CALHM5: variants seen among roughly 807,000 people sequenced by gnomAD.
CALHM5 encodes calcium homeostasis modulator family member 5.
CALHM5 carries 17 observed loss-of-function variants against 20.9 expected under a neutral mutation model. The observed-to-expected ratio is 0.82, with a 90% CI of 0.56 to 1.22. The LOEUF (loss-of-function observed/expected upper bound fraction) is 1.22, where lower values mean the gene tolerates loss of function less well. Among genes scored for constraint, CALHM5 ranks in the 50% most tolerant of loss-of-function variants. The pLI is 0.00. For missense variants in CALHM5, 360 were observed against 364.6 expected (o/e 0.99, Z 0.10); for synonymous variants, 148 against 140.0 (o/e 1.06, Z -0.40).
chr6:116,511,996 C>G lies in CALHM5; in HGVS notation c.300C>G (p.Leu100=). 1 of 1,614,048 alleles carries G rather than the reference C, an allele frequency of 6.2e-7. No homozygotes were observed. Among genetic ancestry groups the G allele is most frequent in the Non-Finnish European group, 8.5e-7 (1 of 1,179,998 alleles). Residue 100 remains leucine, a synonymous_variant, in exon 1 of 2, where the codon CTC becomes CTG. Coordinates refer to ENST00000368599, the MANE Select transcript of CALHM5 (RefSeq NM_153711.5). ...ACAGCTGCCGTTTCTTCTACGTCCT[C>G]GGCCAGATCACTCTGAGCTCATTGG... The part of the protein sequence containing the change: ...RGHSCRFFYV[L]GQITLSSLVA...
rs1307981502 is a variant in CALHM5 at position 116,520,507 on chromosome 6, G to A, written c.*4518G>A. 1 of 152,134 alleles carries A rather than the reference G, an allele frequency of 6.6e-6. No homozygotes were observed. 9.4% of individuals were successfully genotyped at this position (152,134 alleles called of 1,614,324 possible). On this transcript the variant is annotated 3_prime_UTR_variant, in exon 2 of 2. Coordinates refer to ENST00000368599, the MANE Select transcript of CALHM5 (RefSeq NM_153711.5). ...AAGAGGTTGGCATGAGAGGTTGGAT[G>A]GAAAGCATCTATCTGTGTTTGTCAG...
chr6:116,515,556 GGCTTT>G, intron 1 of CALHM5, 39 bp from the exon 2 acceptor site: 1 of 1,546,308 alleles, frequency 6.5e-7, no homozygotes, highest in Non-Finnish European at 8.7e-7. Flanking sequence ...CTCCCTAAAT[GGCTTT>G]GCTTTCACGT....
At chr6:116,515,482 T>A in intron 1 of CALHM5, 118 bp from the exon 2 acceptor site, 1 of 1,069,040 alleles carries the variant, frequency 9.4e-7, no homozygotes, top group Non-Finnish European at 1.3e-6. Context: ...ATGAATGATT[T>A]CAAATGAGGT....
At chr6:116,513,970 T>C (rs760734634) in intron 1 of CALHM5, among the ~76,000 whole-genome samples, 2 of 152,200 alleles carry the variant, frequency 1.3e-5, no homozygotes, top group Admixed American at 6.6e-5. Flanking sequence ...TAATATCACT[T>C]ACTTTGGAGA....
chr6:116,512,677 G>T (rs1367142231), intron 1 of CALHM5, among the ~76,000 whole-genome samples: 1 of 152,188 alleles, frequency 6.6e-6, no homozygotes, highest in Non-Finnish European at 1.5e-5. Context: ...TGAATGAAAT[G>T]AGTTATTACT....
intron 1 of CALHM5, 140 bp from the exon 2 acceptor site, chr6:116,515,460 T>C: frequency 1.0e-6 from 1 of 981,962 alleles, no homozygotes; most frequent in Non-Finnish European, 1.5e-6. Flanking sequence ...TTTAAAGTGT[T>C]TAAAAATTAA....
chr6:116,521,167 A>G lies in CALHM5; in HGVS notation c.*5178A>G, dbSNP rs1772331747. ...GATTTCTTGTGGGAATATATATTAT[A>G]TATAACAAAACATGACAAATATATA... On this transcript the variant is annotated 3_prime_UTR_variant, in exon 2 of 2. Coordinates refer to ENST00000368599, the MANE Select transcript of CALHM5 (RefSeq NM_153711.5). The G allele has an allele frequency of 6.6e-6, 1 of 152,126 alleles. No individual in the cohort carries two copies. Among genetic ancestry groups the G allele is most frequent in the Non-Finnish European group, 1.5e-5 (1 of 68,018 alleles). 9.4% of individuals were successfully genotyped at this position (152,126 alleles called of 1,614,324 possible). A position where few individuals can be genotyped will look rare whatever the true frequency, so the allele number is the denominator to read the frequency against.
rs1003699952 is a variant in CALHM5, at chr6:116,523,119, C to G, written c.*7130C>G. ...GGACTACATCTTGAAAATAACTGCT[C>G]TACAGCACAGAGCAGGCTATTCTGG... On this transcript the variant is annotated 3_prime_UTR_variant, in exon 2 of 2. Transcript: ENST00000368599. The G allele has an allele frequency of 1.3e-5, 2 of 151,716 alleles. No individual in the cohort carries two copies. The highest frequency in any genetic ancestry group is 4.8e-5 in the African/African-American group (2 of 41,282). The allele number at this position is 151,716 out of a possible 1,614,324, so 9.4% of individuals were successfully genotyped here. A position where few individuals can be genotyped will look rare whatever the true frequency, so the allele number is the denominator to read the frequency against.
chr6:116,515,615 CTGATT>C lies in CALHM5; in HGVS notation c.559_563del (p.Ile187PhefsTer18). 3.7e-6 allele frequency: 6 copies of C among 1,610,452 alleles called. No homozygotes were observed. The highest frequency in any genetic ancestry group is 5.1e-6 in the Non-Finnish European group (6 of 1,178,354). On this transcript the variant is annotated frameshift_variant, in exon 2 of 2. Coordinates refer to ENST00000368599, the MANE Select transcript of CALHM5 (RefSeq NM_153711.5). LOFTEE classifies it high-confidence loss of function. ...TCTTCTTAAGATTCTAGGATGGTGC[CTGATT>C]TGTTCAGCGTCTTTCTTCTCTCTGC...
rs1772323529 is a variant in CALHM5 at position 116,520,932 on chromosome 6, T to A, written c.*4943T>A. 6.6e-6 allele frequency: 1 copy of A among 152,092 alleles called. No individual in the cohort carries two copies. Among genetic ancestry groups the A allele is most frequent in the Non-Finnish European group, 1.5e-5 (1 of 68,030 alleles). The allele number at this position is 152,092 out of a possible 1,614,324, so 9.4% of individuals were successfully genotyped here. On this transcript the variant is annotated 3_prime_UTR_variant, in exon 2 of 2. Coordinates refer to ENST00000368599, the MANE Select transcript of CALHM5 (RefSeq NM_153711.5). ...AGTGAGCATTTTTTTTTTTATGAAT[T>A]TAAATTGGTTCTAGCTAAGCAATTT...
rs1332958443 is a variant in CALHM5, at chr6:116,521,469, C to A, written c.*5480C>A. The A allele has an allele frequency of 6.6e-6, 1 of 151,526 alleles. No individual in the cohort carries two copies. Among genetic ancestry groups the A allele is most frequent in the Non-Finnish European group, 1.5e-5 (1 of 67,936 alleles). The allele number at this position is 151,526 out of a possible 1,614,324, so 9.4% of individuals were successfully genotyped here. On this transcript the variant is annotated 3_prime_UTR_variant, in exon 2 of 2. Transcript: ENST00000368599. Reference sequence around the variant, plus strand: ...TAAGGAGAATATTGGTGACCCAACTCCAGGAGACAGAGAAAAGATTGGTGA... The same window carrying A: ...TAAGGAGAATATTGGTGACCCAACTACAGGAGACAGAGAAAAGATTGGTGA...
chr6:116,515,226 T>C (rs1772199675), intron 1 of CALHM5, among the ~76,000 whole-genome samples: 1 of 152,194 alleles, frequency 6.6e-6, no homozygotes, highest in Non-Finnish European at 1.5e-5. Context: ...GAGCTGGTCA[T>C]TTACTCAAAT....
chr6:116,512,191 T>A lies in CALHM5; in HGVS notation c.495T>A (p.Pro165=), dbSNP rs761308002. 14 of 1,608,500 alleles carry A rather than the reference T, an allele frequency of 8.7e-6. No individual in the cohort carries two copies. Among genetic ancestry groups the A allele is most frequent in the Non-Finnish European group, 8.5e-6 (10 of 1,179,780 alleles). ...KVSCGKTSML[P]TVNEELKLSL... ...CTTGTGGCAAAACTAGCATGCTACC[T>A]ACCGTCAATGAAGAACTGAAACTCT... is the stretch of plus-strand genomic sequence containing the variant. The change falls in exon 1 of 2, where the codon CCT becomes CCA. Residue 165 remains proline (P), a synonymous_variant. Coordinates refer to ENST00000368599, the MANE Select transcript of CALHM5 (RefSeq NM_153711.5).
In CALHM5 at chr6:116,511,661, CAA is replaced by C; in HGVS notation, c.-34_-33del. 1 of 1,589,940 alleles carries C rather than the reference CAA, an allele frequency of 6.3e-7. No individual in the cohort carries two copies. The highest frequency in any genetic ancestry group is 2.2e-5 in the East Asian group (1 of 44,710). The stretch of plus-strand genomic sequence containing the variant: ...ACTGCCACAGCTGCTCTGCCAATAA[CAA>C]AGGCACAGCATTTTCCCTCTGTGCA... On this transcript the variant is annotated 5_prime_UTR_variant, in exon 1 of 2. Coordinates refer to ENST00000368599, the MANE Select transcript of CALHM5 (RefSeq NM_153711.5).
Position 116,516,050 on chromosome 6 carries a change from C to A in CALHM5, c.*61C>A. ...CATGCTCATTCTGTGATCCTCCTAA[C>A]GTATCACCAGCAACCTGTGTGTCTC... is the stretch of plus-strand genomic sequence containing the variant. On this transcript the variant is annotated 3_prime_UTR_variant, in exon 2 of 2. Coordinates refer to ENST00000368599, the MANE Select transcript of CALHM5 (RefSeq NM_153711.5). The A allele has an allele frequency of 6.7e-7, 1 of 1,502,948 alleles. No homozygotes were observed. The allele number at this position is 1,502,948 out of a possible 1,614,324, so 93.1% of individuals were successfully genotyped here.
Position 116,511,810 on chromosome 6 carries a change from T to C in CALHM5, c.114T>C (p.Ala38=). ...VGSERLFSVV[A]FKCPCSTENM... ...GTGAGCGTCTCTTTTCTGTTGTGGC[T>C]TTTAAGTGCCCCTGCAGCACTGAGA... The change falls in exon 1 of 2, where the codon GCT becomes GCC. Residue 38 remains alanine, a synonymous_variant. Transcript: ENST00000368599. 1 of 1,614,074 alleles carries C rather than the reference T, an allele frequency of 6.2e-7. No individual in the cohort carries two copies. Among genetic ancestry groups the C allele is most frequent in the Non-Finnish European group, 8.5e-7 (1 of 1,179,994 alleles).
Position 116,517,436 on chromosome 6 carries a change from G to C in CALHM5, c.*1447G>C, listed in dbSNP as rs1434227405. 6.6e-6 allele frequency: 1 copy of C among 152,084 alleles called. No homozygotes were observed. 9.4% of individuals were successfully genotyped at this position (152,084 alleles called of 1,614,324 possible). A position where few individuals can be genotyped will look rare whatever the true frequency, so the allele number is the denominator to read the frequency against. On this transcript the variant is annotated 3_prime_UTR_variant, in exon 2 of 2. Coordinates refer to ENST00000368599, the MANE Select transcript of CALHM5 (RefSeq NM_153711.5). ...GTACATAAATTCTCCTTAAATCTCT[G>C]AGAAGAATTGTGCTTTAAAAAAGAA...
rs1772363497 is a variant in CALHM5 at position 116,522,491 on chromosome 6, A to C, written c.*6502A>C. 1 of 152,100 alleles carries C rather than the reference A, an allele frequency of 6.6e-6. No individual in the cohort carries two copies. Among genetic ancestry groups the C allele is most frequent in the South Asian group, 2.1e-4 (1 of 4,830 alleles). The allele number at this position is 152,100 out of a possible 1,614,324, so 9.4% of individuals were successfully genotyped here. On this transcript the variant is annotated 3_prime_UTR_variant, in exon 2 of 2. Coordinates refer to ENST00000368599, the MANE Select transcript of CALHM5 (RefSeq NM_153711.5). ...TGCATAGAGAGCATTTTCTTCAATC[A>C]TGTTTTCTTTTTCTTTAGGTTCCAG...
chr6:116,520,772 T>A lies in CALHM5; in HGVS notation c.*4783T>A, dbSNP rs1583273299. The A allele has an allele frequency of 6.6e-6, 1 of 152,406 alleles. No homozygotes were observed. The highest frequency in any genetic ancestry group is 2.1e-4 in the South Asian group (1 of 4,824). The allele number at this position is 152,406 out of a possible 1,614,324, so 9.4% of individuals were successfully genotyped here. On this transcript the variant is annotated 3_prime_UTR_variant, in exon 2 of 2. Transcript: ENST00000368599. ...TGAGGTTGAAATATTGGAAATGTTA[T>A]CTGGATTTCAAACAGTAGAGTATGA...
Sources: gnomAD v4.1 joint callset for allele counts (sites outside exome capture counted in the v4.1 genomes callset) on GRCh38, gnomAD v4.1.1 for gene constraint, MANE v1.5 for transcripts, NCBI Gene and HGNC (gene_info 2026-07-23, HGNC 2026-07-21) for gene names.